The following CLASP2 variants were observed in gnomAD, a reference collection of about 807,000 sequenced individuals.
CLASP2 encodes cytoplasmic linker associated protein 2.
Under a neutral mutation model 194.4 loss-of-function variants are expected in CLASP2, and 47 were observed. The observed-to-expected ratio is 0.24, with a 90% CI of 0.19 to 0.31. CLASP2 has a LOEUF of 0.31. Among genes scored for constraint, CLASP2 ranks in the 10% least tolerant of loss-of-function variants. The pLI is 1.00. For synonymous variants in CLASP2, 619 were observed against 633.5 expected (o/e 0.98, Z 0.34); for missense variants, 1,445 against 1,823.6 (o/e 0.79, Z 3.78).
chr3:33,509,186 C>A (rs1019977961), intron 37 of CLASP2, among the ~76,000 whole-genome samples: 1 of 152,194 alleles, frequency 6.6e-6, no homozygotes, highest in Non-Finnish European at 1.5e-5. Context: ...TTTATGACAT[C>A]ATTATTTGCT....
intron 8 of CLASP2, 142 bp downstream of exon 8, chr3:33,644,615 T>C: frequency 1.2e-6 from 1 of 830,066 alleles, no homozygotes; most frequent in South Asian, 1.6e-5. Flanking sequence ...GGGCATCGTA[T>C]TCTTCTGAAT....
chr3:33,708,716 T>C (rs1280348044), intron 1 of CLASP2, among the ~76,000 whole-genome samples: 1 of 151,980 alleles, frequency 6.6e-6, no homozygotes, highest in African/African-American at 2.4e-5. Flanking sequence ...TCTTTGGATA[T>C]ATACTCAGAA....
At chr3:33,565,177 A>G (rs2062472519) in intron 27 of CLASP2, among the ~76,000 whole-genome samples, 2 of 152,070 alleles carry the variant, frequency 1.3e-5, no homozygotes, top group African/African-American at 4.8e-5. Flanking sequence ...TATAATTTTA[A>G]TAACATTTTA....
intron 1 of CLASP2, among the ~76,000 whole-genome samples, chr3:33,707,335 T>TA (rs1559698384): frequency 6.6e-6 from 1 of 152,232 alleles, no homozygotes; most frequent in South Asian, 2.1e-4. Flanking sequence ...TGAAGGACAC[T>TA]AAAAAAACCA....
intron 4 of CLASP2, among the ~76,000 whole-genome samples, chr3:33,687,768 A>AT (rs2154346705): frequency 6.6e-6 from 1 of 152,314 alleles, no homozygotes; most frequent in African/African-American, 2.4e-5. Context: ...AAGTCCTAGC[A>AT]TTTTTTCAGA....
chr3:33,512,819 CT>C (rs1443790166), intron 36 of CLASP2, among the ~76,000 whole-genome samples: 3 of 151,710 alleles, frequency 2.0e-5, no homozygotes, highest in Non-Finnish European at 2.9e-5. Context: ...GAAACCCTGT[CT>C]CCACTAAAAA....
Position 33,689,888 on chromosome 3 carries a change from C to T in CLASP2, c.319G>A (p.Val107Ile), listed in dbSNP as rs1431104896. 2 of 1,600,262 alleles carry T rather than the reference C, an allele frequency of 1.2e-6. No homozygotes were observed. The highest frequency in any genetic ancestry group is 1.7e-6 in the Non-Finnish European group (2 of 1,173,770). The stretch of plus-strand genomic sequence containing the variant: ...ATCAGAGTCTGAGCTTCATCTCGAA[C>T]CTTGTCTTTGGCATCTCCCATTCTG... ...IDRMGDAKDKVRDEAQTLILK... is the reference protein window; with the variant it reads ...IDRMGDAKDKIRDEAQTLILK... The change falls in exon 3 of 39, where the codon GTT becomes ATT. Residue 107 changes from valine (V) to isoleucine (I), a missense_variant. Physicochemically the swap from Val to Ile is conservative, Grantham distance 29. Around this residue, in one of 4 missense-constraint regions of CLASP2, gnomAD observed 332 missense variants for 325.3 expected, o/e 1.02. Coordinates refer to ENST00000682230, the MANE Select transcript of CLASP2 (RefSeq NM_001365631.1).
At chr3:33,655,798 C>G (rs1290265627) in intron 7 of CLASP2, among the ~76,000 whole-genome samples, 2 of 152,094 alleles carry the variant, frequency 1.3e-5, no homozygotes, top group African/African-American at 4.8e-5. Flanking sequence ...TCCCAGAAGG[C>G]TGGTCTCTAG....
At chr3:33,517,311 A>C in intron 34 of CLASP2, 137 bp from the exon 35 acceptor site, 1 of 664,798 alleles carries the variant, frequency 1.5e-6, no homozygotes, top group Non-Finnish European at 2.3e-6. Context: ...AAAGACATTA[A>C]GTAATCTTCT....
At chr3:33,593,964 C>T (rs901300392) in intron 20 of CLASP2, among the ~76,000 whole-genome samples, 2 of 152,130 alleles carry the variant, frequency 1.3e-5, no homozygotes, top group Non-Finnish European at 2.9e-5. Flanking sequence ...CCACCTCAGC[C>T]TCCAGAATAG....
chr3:33,523,624 T>C (rs1360421123), intron 34 of CLASP2, among the ~76,000 whole-genome samples: 1 of 152,186 alleles, frequency 6.6e-6, no homozygotes, highest in Admixed American at 6.5e-5. Context: ...CTTGAAACCA[T>C]ATGAAGAAAT....
At chr3:33,678,856 T>C (rs1296727878) in intron 6 of CLASP2, among the ~76,000 whole-genome samples, 1 of 152,242 alleles carries the variant, frequency 6.6e-6, no homozygotes, top group Non-Finnish European at 1.5e-5. Flanking sequence ...ACTTGATCTA[T>C]GGATTCAATG....
In CLASP2 at chr3:33,637,626, C is replaced by T. The variant is rs140509737; in HGVS notation, c.863-5255G>A. ...AGGTCTTCGTGTTCATTTACATTTC[C>T]CAGAGACTTCAAAACTAGCAGCACA... On this transcript the variant is annotated intron_variant, in intron 8 of 38. Transcript: ENST00000682230. Among the ~76,000 whole-genome samples the T allele has an allele frequency of 5.1e-3, 776 of 152,232 alleles. 6 individuals are homozygous for T. Among genetic ancestry groups the T allele is most frequent in the African/African-American group, 0.018 (739 of 41,546 alleles).
chr3:33,505,939 G>C (rs1197739628), intron 37 of CLASP2, among the ~76,000 whole-genome samples: 2 of 151,982 alleles, frequency 1.3e-5, no homozygotes, highest in Non-Finnish European at 2.9e-5. Context: ...AAACAAACAG[G>C]AAATTAAGCC....
chr3:33,647,639 A>G (rs961533289), intron 7 of CLASP2, among the ~76,000 whole-genome samples: 1 of 152,226 alleles, frequency 6.6e-6, no homozygotes, highest in East Asian at 1.9e-4. Flanking sequence ...AAACGAGTGC[A>G]GTTGTGCTTC....
intron 37 of CLASP2, among the ~76,000 whole-genome samples, chr3:33,507,955 A>AATAT (rs144768518): frequency 2.0e-5 from 3 of 147,212 alleles, no homozygotes; most frequent in East Asian, 2.0e-4. Flanking sequence ...AATGAGGCCA[A>AATAT]ATATATATAT....
intron 37 of CLASP2, chr3:33,504,200 TTTTA>T (rs1302696579): frequency 1.3e-5 from 2 of 152,210 alleles, no homozygotes; most frequent in Non-Finnish European, 2.9e-5. Flanking sequence ...TTAACCTATT[TTTTA>T]TTTATCATTG....
chr3:33,542,334 T>A (rs1170992170), intron 32 of CLASP2, among the ~76,000 whole-genome samples: 1 of 148,404 alleles, frequency 6.7e-6, no homozygotes, highest in Non-Finnish European at 1.5e-5. Context: ...ATAATTCATA[T>A]ATCATTATAT....
intron 33 of CLASP2, among the ~76,000 whole-genome samples, chr3:33,538,480 C>T (rs968461791): frequency 2.0e-5 from 3 of 151,874 alleles, no homozygotes; most frequent in Non-Finnish European, 2.9e-5. Context: ...GTGATTTTGT[C>T]GTATAAATCT....
Sources: allele counts gnomAD v4.1 joint callset (sites outside exome capture counted in the v4.1 genomes callset), GRCh38; gene constraint gnomAD v4.1.1; regional missense constraint gnomAD v4.1.1; transcripts MANE v1.5; gene names NCBI Gene and HGNC (gene_info 2026-07-23, HGNC 2026-07-21).